STX1A: variants seen among roughly 807,000 people sequenced by gnomAD.
STX1A encodes syntaxin-1A.
Under a neutral mutation model 37.8 loss-of-function variants are expected in STX1A, and 4 were observed. The observed-to-expected ratio is 0.11, with a 90% CI of 0.05 to 0.24. The LOEUF is 0.24. Among genes scored for constraint, STX1A ranks in the 10% least tolerant of loss-of-function variants. The pLI is 1.00. For synonymous variants in STX1A, 135 were observed against 147.4 expected (o/e 0.92, Z 0.61); for missense variants, 251 against 399.9 (o/e 0.63, Z 3.18).
Position 73,708,577 on chromosome 7 carries a change from C to A in STX1A, c.208+12G>T, listed in dbSNP as rs1798973060. 1.2e-6 allele frequency: 2 copies of A among 1,612,196 alleles called. No individual in the cohort carries two copies. The highest frequency in any genetic ancestry group is 8.5e-7 in the Non-Finnish European group (1 of 1,179,086). The stretch of plus-strand genomic sequence containing the variant: ...TGGGGCCTGAAACCCGTCCCCCGCC[C>A]CACACACTCACTCTCATCGGGGTTG... On this transcript the variant is annotated intron_variant, in intron 3 of 9. Transcript: ENST00000222812.
intron 1 of STX1A, among the ~76,000 whole-genome samples, chr7:73,718,042 A>G (rs1799351432): frequency 6.6e-6 from 1 of 151,906 alleles, no homozygotes; most frequent in African/African-American, 2.4e-5. Flanking sequence ...TCCCACACAC[A>G]CCCTCAGGTA....
At position 73,700,621 on chromosome 7, in the gene STX1A, G is replaced by C; in HGVS notation, c.789+109C>G. The C allele has an allele frequency of 2.6e-6, 4 of 1,515,090 alleles. No homozygotes were observed. The South Asian group carries it at 3.5e-5, about 13-fold the overall frequency. 93.9% of individuals were successfully genotyped at this position (1,515,090 alleles called of 1,614,324 possible). On this transcript the variant is annotated intron_variant, in intron 9 of 9. Transcript: ENST00000222812. The surrounding 1 kb of genome is among the most constrained non-coding windows in gnomAD (Gnocchi z 4.4). Reference sequence around the variant, plus strand: ...TGACGGCCTGGGAGGGGGCTGTCATGGGGAGCTCCTGAGAGAAGGGAGAGA... The same window carrying C: ...TGACGGCCTGGGAGGGGGCTGTCATCGGGAGCTCCTGAGAGAAGGGAGAGA...
chr7:73,702,759 A>G lies in STX1A; in HGVS notation c.678+86T>C. 1 of 1,599,400 alleles carries G rather than the reference A, an allele frequency of 6.3e-7. No individual in the cohort carries two copies. Among genetic ancestry groups the G allele is most frequent in the Admixed American group, 1.7e-5 (1 of 59,346 alleles). ...GAACTTGGTCCCTCCCCGGCAGGGC[A>G]GCGTGTCGGGCAGAAAGGGCGAGGT... On this transcript the variant is annotated intron_variant, in intron 8 of 9. Transcript: ENST00000222812. The surrounding 1 kb of genome is among the most constrained non-coding windows in gnomAD (Gnocchi z 4.7).
At chr7:73,713,950 C>T (rs797026181) in intron 1 of STX1A, among the ~76,000 whole-genome samples, 28 of 152,294 alleles carry the variant, frequency 1.8e-4, no homozygotes, top group African/African-American at 3.4e-4. Flanking sequence ...AGATATCATA[C>T]GGGCACCTTG....
At position 73,702,962 on chromosome 7, in the gene STX1A, G is replaced by A. The variant is rs1053683701; in HGVS notation, c.561C>T (p.Ile187=). 39 of 1,592,472 alleles carry A rather than the reference G, an allele frequency of 2.4e-5. No homozygotes were observed. Among genetic ancestry groups the A allele is most frequent in the Non-Finnish European group, 3.0e-5 (35 of 1,167,304 alleles). The part of the protein sequence containing the change: ...FASGIIMDSS[I]SKQALSEIET... Reference sequence around the variant, plus strand: ...CAATCTCGCTCAGAGCCTGCTTCGAGATGCTGGAGTCCATGATGATCTGGG... The same window carrying A: ...CAATCTCGCTCAGAGCCTGCTTCGAAATGCTGGAGTCCATGATGATCTGGG... The change falls in exon 8 of 10, where the codon ATC becomes ATT. Residue 187 remains isoleucine, a synonymous_variant. Transcript: ENST00000222812. The surrounding 1 kb of genome is among the most constrained non-coding windows in gnomAD (Gnocchi z 4.7).
In STX1A at chr7:73,705,050, G is replaced by T; in HGVS notation, c.283+100C>A. The T allele has an allele frequency of 1.7e-6, 2 of 1,164,066 alleles. No homozygotes were observed. Among genetic ancestry groups the T allele is most frequent in the South Asian group, 1.2e-5 (1 of 80,416 alleles). 72.1% of individuals were successfully genotyped at this position (1,164,066 alleles called of 1,614,324 possible). On this transcript the variant is annotated intron_variant, in intron 4 of 9. Coordinates refer to ENST00000222812, the MANE Select transcript of STX1A (RefSeq NM_004603.4). This position sits in a 1 kb window ranked among gnomAD's most constrained non-coding sequence, Gnocchi z 5.2. ...ACGCCACCCTCAGAAAGGAAAGCAA[G>T]ATCCGGCGCACCCCCTCAGGGCGAG... is the stretch of plus-strand genomic sequence containing the variant.
intron 6 of STX1A, 93 bp from the exon 7 acceptor site, chr7:73,703,921 C>T (rs1464993768): frequency 1.4e-6 from 2 of 1,385,406 alleles, no homozygotes; most frequent in African/African-American, 1.4e-5. Flanking sequence ...GGCCCGGGCT[C>T]CCCCCAGCCC....
At chr7:73,703,720 G>A (rs782738891) in intron 7 of STX1A, 35 bp downstream of exon 7, 1 of 1,604,376 alleles carries the variant, frequency 6.2e-7, no homozygotes, top group East Asian at 2.2e-5. Flanking sequence ...ACATGGTGAG[G>A]GGGTCATGGC....
At chr7:73,701,048 C>T (rs1160160819) in intron 8 of STX1A, 8 of 929,788 alleles carry the variant, frequency 8.6e-6, no homozygotes, top group South Asian at 3.4e-5. Context: ...CACATTTCCC[C>T]GCAGAGCAGC....
Position 73,702,450 on chromosome 7 carries a change from T to G in STX1A, c.678+395A>C. The G allele has an allele frequency of 5.3e-6, 2 of 374,284 alleles. No homozygotes were observed. Among genetic ancestry groups the G allele is most frequent in the Non-Finnish European group, 4.7e-6 (1 of 210,964 alleles). The allele number at this position is 374,284 out of a possible 1,614,324, so 23.2% of individuals were successfully genotyped here. A position where few individuals can be genotyped will look rare whatever the true frequency, so the allele number is the denominator to read the frequency against. On this transcript the variant is annotated intron_variant, in intron 8 of 9. Coordinates refer to ENST00000222812, the MANE Select transcript of STX1A (RefSeq NM_004603.4). The surrounding 1 kb of genome is among the most constrained non-coding windows in gnomAD (Gnocchi z 4.7). ...TTGAGCCCCACTGGAGAACCTTCGA[T>G]TTGTTCTTAGGCAACTCTTTTGCCC...
Position 73,700,715 on chromosome 7 carries a change from G to C in STX1A, c.789+15C>G. On this transcript the variant is annotated intron_variant, in intron 9 of 9. Coordinates refer to ENST00000222812, the MANE Select transcript of STX1A (RefSeq NM_004603.4). This position sits in a 1 kb window ranked among gnomAD's most constrained non-coding sequence, Gnocchi z 4.4. ...GGTGCTGGGGCATGGCCTTGGGCAGGGCTGGGCTACTGACCCGGCGCGCCT... is the reference window on the plus strand; with the variant it reads ...GGTGCTGGGGCATGGCCTTGGGCAGCGCTGGGCTACTGACCCGGCGCGCCT... The C allele has an allele frequency of 6.2e-7, 1 of 1,613,424 alleles. No homozygotes were observed. Among genetic ancestry groups the C allele is most frequent in the African/African-American group, 1.3e-5 (1 of 74,994 alleles).
At chr7:73,704,037 C>CCGCCTCGGGCCCCT in intron 6 of STX1A, 111 bp downstream of exon 6, 1 of 1,308,128 alleles carries the variant, frequency 7.6e-7, no homozygotes, top group Non-Finnish European at 1.0e-6. Context: ...CTCGGGCCAC[C>CCGCCTCGGGCCCCT]CGCCTCGGGC....
At chr7:73,703,234 G>A in intron 7 of STX1A, 1 of 579,914 alleles carries the variant, frequency 1.7e-6, no homozygotes, top group Non-Finnish European at 3.1e-6. Flanking sequence ...GCCACAGAGC[G>A]AGTGCTCAGT....
In STX1A at chr7:73,705,650, G is replaced by C. The variant is rs1798842778; in HGVS notation, c.209-426C>G. The C allele has an allele frequency of 4.9e-6, 1 of 203,916 alleles. No homozygotes were observed. Among genetic ancestry groups the C allele is most frequent in the African/African-American group, 2.4e-5 (1 of 42,518 alleles). 12.6% of individuals were successfully genotyped at this position (203,916 alleles called of 1,614,324 possible). A position where few individuals can be genotyped will look rare whatever the true frequency, so the allele number is the denominator to read the frequency against. On this transcript the variant is annotated intron_variant, in intron 3 of 9. Transcript: ENST00000222812. The surrounding 1 kb of genome is among the most constrained non-coding windows in gnomAD (Gnocchi z 5.2). Reference sequence around the variant, plus strand: ...GGTGGCTCAGGAGGGTACGCAGCCAGGCAGGGGGTTGACAGGGGACCACCC... The same window carrying C: ...GGTGGCTCAGGAGGGTACGCAGCCACGCAGGGGGTTGACAGGGGACCACCC...
At chr7:73,712,090 G>A (rs1461292727) in intron 1 of STX1A, among the ~76,000 whole-genome samples, 4 of 152,046 alleles carry the variant, frequency 2.6e-5, no homozygotes, top group African/African-American at 9.7e-5. Flanking sequence ...ATGGGGGCAC[G>A]CAGGTCAAGT....
In STX1A at chr7:73,714,059, G is replaced by A. The variant is rs917290625; in HGVS notation, c.31-4937C>T. Among the ~76,000 whole-genome samples the A allele has an allele frequency of 2.0e-5, 3 of 150,932 alleles. No homozygotes were observed. In the East Asian group the frequency reaches 5.8e-4, roughly 29 times the overall value. ...CCCAAGCCAGAAACCTAGGACATCT[G>A]CCATCTTCCTCCTCTTCTCCCATCC... On this transcript the variant is annotated intron_variant, in intron 1 of 9. Coordinates refer to ENST00000222812, the MANE Select transcript of STX1A (RefSeq NM_004603.4).
At chr7:73,715,123 TAA>T (rs782623557) in intron 1 of STX1A, among the ~76,000 whole-genome samples, 13 of 124,754 alleles carry the variant, frequency 1.0e-4, no homozygotes, top group Admixed American at 3.3e-4. Flanking sequence ...AGACTCCGTC[TAA>T]AAAAAAAAAA....
chr7:73,705,283 G>A lies in STX1A; in HGVS notation c.209-59C>T, dbSNP rs1798830175. The stretch of plus-strand genomic sequence containing the variant: ...TAGGCTCCGCGGGGACTGATGTGCA[G>A]GCTCAGCCTCCAGCCCAGGGGGCCC... On this transcript the variant is annotated intron_variant, in intron 3 of 9. Coordinates refer to ENST00000222812, the MANE Select transcript of STX1A (RefSeq NM_004603.4). This position sits in a 1 kb window ranked among gnomAD's most constrained non-coding sequence, Gnocchi z 5.2. 9 of 1,441,738 alleles carry A rather than the reference G, an allele frequency of 6.2e-6. No homozygotes were observed. In the South Asian group the frequency reaches 1.0e-4, roughly 16 times the overall value. The allele number at this position is 1,441,738 out of a possible 1,614,324, so 89.3% of individuals were successfully genotyped here.
intron 3 of STX1A, among the ~76,000 whole-genome samples, chr7:73,708,388 G>A (rs1166183920): frequency 1.3e-5 from 2 of 152,230 alleles, no homozygotes; most frequent in African/African-American, 2.4e-5. Context: ...CTGGGATGCT[G>A]GGTACTGACC....
Sources: gnomAD v4.1 joint callset for allele counts (sites outside exome capture counted in the v4.1 genomes callset) on GRCh38, gnomAD v4.1.1 for gene constraint, Gnocchi (gnomAD v3.1) non-coding constraint, MANE v1.5 for transcripts, NCBI Gene and HGNC (gene_info 2026-07-23, HGNC 2026-07-21) for gene names.